Variants in RBM4 observed in about 807,000 individuals in gnomAD.
The protein encoded by RBM4 is RNA binding motif protein 4, also known as RNA-binding protein 4.
A neutral mutation model predicts 29.5 loss-of-function variants in RBM4; 7 were observed. The ratio of observed to expected loss-of-function variants is 0.24; its 90% confidence interval spans 0.14 to 0.45. The LOEUF is 0.45. Among genes scored for constraint, RBM4 ranks in the 20% least tolerant of loss-of-function variants. RBM4 has a pLI of 1.00. For synonymous variants in RBM4, 220 were observed against 205.4 expected (o/e 1.07, Z -0.61); for missense variants, 387 against 502.3 (o/e 0.77, Z 2.19).
chr11:66,646,320 C>T lies in RBM4; in HGVS notation c.*302C>T. The T allele has an allele frequency of 3.9e-6, 5 of 1,281,030 alleles. No homozygotes were observed. Among genetic ancestry groups the T allele is most frequent in the Non-Finnish European group, 5.0e-6 (5 of 1,009,088 alleles). 79.4% of individuals were successfully genotyped at this position (1,281,030 alleles called of 1,614,324 possible). On this transcript the variant is annotated 3_prime_UTR_variant, in exon 4 of 4. Transcript: ENST00000310092. ...GTGGTGGGGGCTGTGCTGTCTCCTCCCTGCCTCCTGCCTCCTGCGGCTGTT... is the reference window on the plus strand; with the variant it reads ...GTGGTGGGGGCTGTGCTGTCTCCTCTCTGCCTCCTGCCTCCTGCGGCTGTT...
chr11:66,660,538 C>T (rs1178301633), intron 2 of RBM4, among the ~76,000 whole-genome samples: 3 of 151,716 alleles, frequency 2.0e-5, no homozygotes, highest in Non-Finnish European at 4.4e-5. Context: ...GACAGGGTTT[C>T]GCCATGTTGT....
At position 66,643,310 on chromosome 11, in the gene RBM4, T is replaced by C. The variant is rs1417628669; in HGVS notation, c.413-140T>C. 14 of 1,172,104 alleles carry C rather than the reference T, an allele frequency of 1.2e-5. No individual in the cohort carries two copies. The highest frequency in any genetic ancestry group is 1.5e-5 in the Non-Finnish European group (13 of 864,856). 72.6% of individuals were successfully genotyped at this position (1,172,104 alleles called of 1,614,324 possible). On this transcript the variant is annotated intron_variant, in intron 2 of 3. Coordinates refer to ENST00000310092, the MANE Select transcript of RBM4 (RefSeq NM_002896.4). The surrounding 1 kb of genome is among the most constrained non-coding windows in gnomAD (Gnocchi z 6.1). ...ATCTATATGTTGAGTCTTTTTTTTT[T>C]TTCCTTTTTATCTTTTCCTAAAGAT...
chr11:66,645,274 C>T (rs1395520789), intron 3 of RBM4, among the ~76,000 whole-genome samples: 6 of 152,156 alleles, frequency 3.9e-5, no homozygotes, highest in Non-Finnish European at 8.8e-5. Context: ...TATTGTTGTA[C>T]TTAAGGGTAA....
chr11:66,646,323 G>T lies in RBM4; in HGVS notation c.*305G>T. On this transcript the variant is annotated 3_prime_UTR_variant, in exon 4 of 4. Transcript: ENST00000310092. ...GTGGGGGCTGTGCTGTCTCCTCCCT[G>T]CCTCCTGCCTCCTGCGGCTGTTGGA... 7.8e-7 allele frequency: 1 copy of T among 1,277,698 alleles called. No homozygotes were observed. Among genetic ancestry groups the T allele is most frequent in the Non-Finnish European group, 9.9e-7 (1 of 1,007,274 alleles). The allele number at this position is 1,277,698 out of a possible 1,614,324, so 79.1% of individuals were successfully genotyped here. A position where few individuals can be genotyped will look rare whatever the true frequency, so the allele number is the denominator to read the frequency against.
chr11:66,641,290 T>C (rs376288213), intron 2 of RBM4: 2 of 152,388 alleles, frequency 1.3e-5, no homozygotes, highest in East Asian at 1.9e-4. Context: ...TTAAGAGTCA[T>C]TGCTGCCTTT....
intron 2 of RBM4, among the ~76,000 whole-genome samples, chr11:66,651,886 C>T (rs1403275717): frequency 6.6e-6 from 1 of 151,154 alleles, no homozygotes. Context: ...GGGCTCTGTT[C>T]TATGGCATAA....
At chr11:66,648,674 C>T (rs904897023), downstream of RBM4, among the ~76,000 whole-genome samples, 1 of 151,778 alleles carries the variant, frequency 6.6e-6, no homozygotes, top group African/African-American at 2.4e-5. Flanking sequence ...GTTAGCCGGG[C>T]ATGGTGGCAG....
downstream of RBM4, among the ~76,000 whole-genome samples, chr11:66,646,928 A>G (rs768574185): frequency 6.7e-6 from 1 of 149,588 alleles, no homozygotes; most frequent in African/African-American, 2.4e-5. Flanking sequence ...GGCCAGTGAC[A>G]TGTGTTGATG....
chr11:66,667,067 TTTG>T (rs1939264070), exon 3 of RBM4: 1 of 152,172 alleles, frequency 6.6e-6, no homozygotes, highest in Non-Finnish European at 1.5e-5. Context: ...ACACAGCTGC[TTTG>T]TTATCTTCTA....
rs114660619 is a variant in RBM4 at position 66,639,631 on chromosome 11, A to G, written c.-12-69A>G. 4.9e-4 allele frequency: 757 copies of G among 1,538,036 alleles called. 4 individuals carry two copies. The African/African-American group carries it at 9.5e-3, about 19-fold the overall frequency. On this transcript the variant is annotated intron_variant, in intron 1 of 3. Transcript: ENST00000310092. ...AACTGGAAATATACATTAGAGTGAAAGTCGTTGTCTTTTGTGAACGGATGT... is the reference window on the plus strand; with the variant it reads ...AACTGGAAATATACATTAGAGTGAAGGTCGTTGTCTTTTGTGAACGGATGT...
intron 2 of RBM4, among the ~76,000 whole-genome samples, chr11:66,642,833 C>T (rs934157620): frequency 1.4e-4 from 22 of 152,160 alleles, no homozygotes; most frequent in African/African-American, 4.3e-4. Context: ...GTTTAAAGGG[C>T]CCAGTTAAGG....
In RBM4 at chr11:66,640,231, G is replaced by A. The variant is rs75628187; in HGVS notation, c.412+108G>A. On this transcript the variant is annotated intron_variant, in intron 2 of 3. Coordinates refer to ENST00000310092, the MANE Select transcript of RBM4 (RefSeq NM_002896.4). ...AAAGATAACAGCTGTTGGCTGGCTG[G>A]TGATGAAGAAATAAGTGTGGGTGAT... 306 of 1,449,088 alleles carry A rather than the reference G, an allele frequency of 2.1e-4. 3 individuals carry two copies. In the East Asian group the frequency reaches 7.1e-3, roughly 34 times the overall value. 89.8% of individuals were successfully genotyped at this position (1,449,088 alleles called of 1,614,324 possible). A position where few individuals can be genotyped will look rare whatever the true frequency, so the allele number is the denominator to read the frequency against.
At chr11:66,668,378 A>C (rs1170060761), downstream of RBM4, 1 of 474,922 alleles carries the variant, frequency 2.1e-6, no homozygotes, top group East Asian at 3.2e-5. Flanking sequence ...TCTCACTAAC[A>C]AACTGAATTT....
rs1938559505 is a variant in RBM4 at position 66,643,538 on chromosome 11, A to T, written c.501A>T (p.Lys167Asn). 6.2e-7 allele frequency: 1 copy of T among 1,614,098 alleles called. No homozygotes were observed. The highest frequency in any genetic ancestry group is 1.3e-5 in the African/African-American group (1 of 74,934). ...GDQSGCYRCG[K>N]EGHWSKECPI... ...AGAGCGGCTGCTATCGGTGCGGGAA[A>T]GAGGGGCACTGGTCCAAAGAGTGTC... is the stretch of plus-strand genomic sequence containing the variant. Residue 167 changes from lysine to asparagine, a missense_variant, in exon 3 of 4, where the codon AAA becomes AAT. Transcript: ENST00000310092. This position sits in a 1 kb window ranked among gnomAD's most constrained non-coding sequence, Gnocchi z 6.1.
chr11:66,654,614 G>A (rs1339525477), intron 2 of RBM4, among the ~76,000 whole-genome samples: 1 of 150,952 alleles, frequency 6.6e-6, no homozygotes, highest in Non-Finnish European at 1.5e-5. Flanking sequence ...CTATCCTCTC[G>A]CCTCAGCCTC....
At chr11:66,651,249 G>GTAAAGGAAATTCCCAGGATGAT (rs148575571), downstream of RBM4, among the ~76,000 whole-genome samples, 304 of 152,254 alleles carry the variant, frequency 2.0e-3, no homozygotes, top group Non-Finnish European at 3.7e-3. Flanking sequence ...TCATTCTGAG[G>GTAAAGGAAATTCCCAGGATGAT]TAAAGGAAAT....
rs1257175522 is a variant in RBM4 at position 66,643,681 on chromosome 11, A to G, written c.644A>G (p.Tyr215Cys). 2 of 1,614,056 alleles carry G rather than the reference A, an allele frequency of 1.2e-6. No homozygotes were observed. Among genetic ancestry groups the G allele is most frequent in the Non-Finnish European group, 1.7e-6 (2 of 1,180,030 alleles). The change falls in exon 3 of 4, where the codon TAC (tyrosine) becomes TGC (cysteine). Residue 215 changes from tyrosine (Y) to cysteine (C), a missense_variant. Tyr to Cys is a radical substitution (Grantham distance 194). Transcript: ENST00000310092. The surrounding 1 kb of genome is among the most constrained non-coding windows in gnomAD (Gnocchi z 6.1). ...GATTCATTGTATTACAACAACGCGT[A>G]CGGAGCGCTCGATGCCTACTACAAG... ...YGDSLYYNNAYGALDAYYKRC... is the reference protein window; with the variant it reads ...YGDSLYYNNACGALDAYYKRC...
chr11:66,646,827 A>T (rs1208224490), downstream of RBM4, among the ~76,000 whole-genome samples: 1 of 152,146 alleles, frequency 6.6e-6, no homozygotes, highest in Non-Finnish European at 1.5e-5. Flanking sequence ...TCCAGGGAAA[A>T]GGAGGGGTTT....
intron 2 of RBM4, among the ~76,000 whole-genome samples, chr11:66,659,263 C>CATT (rs1939026856): frequency 1.5e-5 from 1 of 67,308 alleles, no homozygotes; most frequent in African/African-American, 5.9e-5. Context: ...CTTCTTGGTT[C>CATT]TTTTTTTTTT....
Sources: gnomAD v4.1 joint callset for allele counts (sites outside exome capture counted in the v4.1 genomes callset) on GRCh38, gnomAD v4.1.1 for gene constraint, Gnocchi (gnomAD v3.1) non-coding constraint, MANE v1.5 for transcripts, NCBI Gene and HGNC (gene_info 2026-07-23, HGNC 2026-07-21) for gene names.